KDM4C: variants seen among roughly 807,000 people sequenced by gnomAD.
The protein encoded by KDM4C is lysine-specific demethylase 4C.
In KDM4C, 81 loss-of-function variants were observed where a neutral mutation model predicts 129.3. That is an observed-to-expected ratio of 0.63 (90% CI 0.52 to 0.75). The LOEUF (loss-of-function observed/expected upper bound fraction) is 0.75. Ranked by LOEUF, KDM4C falls within the 30% of genes least tolerant of loss-of-function variation. The pLI is 0.00. For synonymous variants in KDM4C, 573 were observed against 456.1 expected, an observed-to-expected ratio of 1.26 and a Z score of -3.26; for missense variants, 1,457 against 1,304.0, an observed-to-expected ratio of 1.12 and a Z score of -1.81.
chr9:6,741,269 C>T (rs138988027), intron 1 of KDM4C, among the ~76,000 whole-genome samples: 253 of 151,894 alleles, frequency 1.7e-3, no homozygotes, highest in African/African-American at 5.6e-3. Context: ...GTGGTGCGTG[C>T]GTGTAGTCCC....
chr9:7,020,928 T>G (rs1824705174), intron 15 of KDM4C, among the ~76,000 whole-genome samples: 1 of 148,572 alleles, frequency 6.7e-6, no homozygotes, highest in Non-Finnish European at 1.5e-5. Flanking sequence ...TTTTTTTTTG[T>G]ACCCATTAAC....
At chr9:6,885,754 C>T (rs1465881271) in intron 6 of KDM4C, among the ~76,000 whole-genome samples, 1 of 152,066 alleles carries the variant, frequency 6.6e-6, no homozygotes, top group Non-Finnish European at 1.5e-5. Context: ...AAGGCACATA[C>T]TTTGTACATA....
At chr9:6,867,037 G>T (rs1352546506) in intron 5 of KDM4C, among the ~76,000 whole-genome samples, 1 of 137,238 alleles carries the variant, frequency 7.3e-6, no homozygotes, top group African/African-American at 2.7e-5. Flanking sequence ...TTTTTTGGAA[G>T]ATGGAATCTT....
rs574831465 is a variant in KDM4C, at chr9:7,031,617, A to G, written c.2260-15245A>G. Among the ~76,000 whole-genome samples the G allele has an allele frequency of 3.1e-3, 465 of 152,326 alleles. 1 individual carries two copies. The highest frequency in any genetic ancestry group is 5.8e-3 in the African/African-American group (242 of 41,566). On this transcript the variant is annotated intron_variant, in intron 15 of 21. Transcript: ENST00000381309. ...TTGGTGGCTGTTTATGTGTACATATATACACACACAGATACATATATATGT... is the reference window on the plus strand; with the variant it reads ...TTGGTGGCTGTTTATGTGTACATATGTACACACACAGATACATATATATGT...
chr9:6,842,421 G>T (rs538192668), intron 4 of KDM4C, among the ~76,000 whole-genome samples: 1 of 141,736 alleles, frequency 7.1e-6, no homozygotes, highest in Admixed American at 7.7e-5. Context: ...TGCAACCTCC[G>T]CCTCCTGGGT....
chr9:6,996,203 C>G (rs117460051), intron 12 of KDM4C, among the ~76,000 whole-genome samples: 4 of 152,200 alleles, frequency 2.6e-5, no homozygotes, highest in Admixed American at 6.5e-5. Flanking sequence ...CCATGGCAAG[C>G]TTCTTCTCAC....
At chr9:6,787,451 T>C (rs547789679) in intron 1 of KDM4C, among the ~76,000 whole-genome samples, 1 of 152,230 alleles carries the variant, frequency 6.6e-6, no homozygotes, top group Non-Finnish European at 1.5e-5. Context: ...CAGGCTGGTC[T>C]CAAATTCCTG....
chr9:6,818,678 T>G (rs956681088), intron 4 of KDM4C, among the ~76,000 whole-genome samples: 3 of 152,220 alleles, frequency 2.0e-5, no homozygotes, highest in Non-Finnish European at 2.9e-5. Context: ...TAAACCAGCT[T>G]CTGTGCGATT....
chr9:6,771,224 C>T (rs555861539), intron 1 of KDM4C, among the ~76,000 whole-genome samples: 1 of 151,452 alleles, frequency 6.6e-6, no homozygotes, highest in Admixed American at 6.6e-5. Context: ...AGCCACTGCA[C>T]CTGGCCTGAT....
intron 1 of KDM4C, among the ~76,000 whole-genome samples, chr9:6,791,097 T>C (rs1329264912): frequency 4.6e-5 from 7 of 152,100 alleles, no homozygotes; most frequent in Non-Finnish European, 1.0e-4. Flanking sequence ...TCTGGGAAAA[T>C]GATTGCTCAT....
intron 2 of KDM4C, among the ~76,000 whole-genome samples, chr9:6,803,748 A>C (rs912315651): frequency 3.5e-4 from 36 of 102,862 alleles, no homozygotes; most frequent in African/African-American, 1.3e-3. Context: ...TCTGTAACAA[A>C]AAGAAAAAAA....
chr9:6,922,882 G>A (rs1040531579), intron 8 of KDM4C, among the ~76,000 whole-genome samples: 2 of 152,206 alleles, frequency 1.3e-5, no homozygotes, highest in Non-Finnish European at 2.9e-5. Flanking sequence ...CTCCCTCTCT[G>A]ACTCAAGCCA....
rs1178580274 is a variant in KDM4C, at chr9:6,746,831, A to ACC, written c.49+25835_49+25836dup. ...AGACCATCCTGGCTAACACGGTGAA[A>ACC]CCGTCTCTACTAAAAATACAAAAAA... On this transcript the variant is annotated intron_variant, in intron 1 of 17. Transcript: ENST00000536108. Among the ~76,000 whole-genome samples the ACC allele has an allele frequency of 3.2e-4, 47 of 147,858 alleles. No homozygotes were observed. The South Asian group carries it at 3.2e-3, about 10-fold the overall frequency.
At chr9:6,753,002 A>G (rs1818125434), upstream of KDM4C, among the ~76,000 whole-genome samples, 1 of 152,162 alleles carries the variant, frequency 6.6e-6, no homozygotes, top group Admixed American at 6.6e-5. Context: ...CCCTAGTTCC[A>G]GGGGACCACT....
intron 19 of KDM4C, among the ~76,000 whole-genome samples, chr9:7,157,383 A>G (rs2130265102): frequency 6.6e-6 from 1 of 152,314 alleles, no homozygotes; most frequent in East Asian, 1.9e-4. Flanking sequence ...AGAACTTCCA[A>G]TACTATCTTG....
At chr9:6,891,587 A>G (rs1025601901) in intron 7 of KDM4C, among the ~76,000 whole-genome samples, 9 of 152,156 alleles carry the variant, frequency 5.9e-5, no homozygotes, top group African/African-American at 1.9e-4. Context: ...ATTAATTGTG[A>G]TAGTTGCATA....
At chr9:6,762,303 G>C (rs1819716207) in intron 1 of KDM4C, among the ~76,000 whole-genome samples, 1 of 149,302 alleles carries the variant, frequency 6.7e-6, no homozygotes, top group Non-Finnish European at 1.5e-5. Context: ...CTGTGTCCAT[G>C]TGTTCTCATT....
intron 12 of KDM4C, among the ~76,000 whole-genome samples, chr9:6,995,386 C>G (rs138706138): frequency 6.6e-6 from 1 of 152,084 alleles, no homozygotes; most frequent in South Asian, 2.1e-4. Context: ...TATTTCCACA[C>G]AGAGAATAGT....
At chr9:7,111,728 A>AG (rs1263907912) in intron 18 of KDM4C, among the ~76,000 whole-genome samples, 1 of 152,148 alleles carries the variant, frequency 6.6e-6, no homozygotes, top group Non-Finnish European at 1.5e-5. Flanking sequence ...TGGAGTGGTG[A>AG]GTGGGAAGTT....
Sources: allele counts gnomAD v4.1 joint callset (sites outside exome capture counted in the v4.1 genomes callset), GRCh38; gene constraint gnomAD v4.1.1; transcripts MANE v1.5; gene names NCBI Gene and HGNC (gene_info 2026-07-23, HGNC 2026-07-21).